The following BNC2 variants were observed in gnomAD, a reference collection of about 807,000 sequenced individuals.
BNC2 encodes the protein basonuclin zinc finger protein 2.
A neutral mutation model predicts 76.3 loss-of-function variants in BNC2; 20 were observed. That is an observed-to-expected ratio of 0.26 (90% CI 0.18 to 0.38). BNC2 has a LOEUF of 0.38. Ranked by LOEUF, BNC2 falls within the 10% of genes least tolerant of loss-of-function variation. The pLI is 1.00. For missense variants in BNC2, 1,382 were observed against 1,399.8 expected, an observed-to-expected ratio of 0.99 and a Z score of 0.20; for synonymous variants, 582 against 514.8, an observed-to-expected ratio of 1.13 and a Z score of -1.77.
chr9:16,804,046 T>A (rs1213894328), intron 1 of BNC2, among the ~76,000 whole-genome samples: 2 of 152,250 alleles, frequency 1.3e-5, no homozygotes, highest in Admixed American at 1.3e-4. Flanking sequence ...GGAAATACTT[T>A]TAACTCTTTC....
intron 1 of BNC2, among the ~76,000 whole-genome samples, chr9:16,859,428 G>A (rs1397805508): frequency 6.6e-6 from 1 of 152,194 alleles, no homozygotes; most frequent in Admixed American, 6.5e-5. Context: ...CAAGAGCCAA[G>A]AGGTGGAAAG....
At chr9:16,747,997 A>G (rs954693652) in intron 1 of BNC2, among the ~76,000 whole-genome samples, 19 of 123,132 alleles carry the variant, frequency 1.5e-4, no homozygotes, top group African/African-American at 4.7e-4. Flanking sequence ...TGGAATATTA[A>G]GTAGTCATTA....
chr9:16,436,762 T>C lies in BNC2; in HGVS notation c.1432A>G (p.Met478Val). ...CGACTTCGGAGGGAGCTAAAGACCA[T>C]GTTGCAACCTTCAATGGTGCATCGA... The part of the protein sequence containing the change: ...KHRCTIEGCN[M>V]VFSSLRSRNR... Residue 478 changes from methionine (M) to valine (V), a missense_variant, in exon 6 of 7, where the codon ATG becomes GTG. Coordinates refer to ENST00000380672, the MANE Select transcript of BNC2 (RefSeq NM_017637.6). The C allele has an allele frequency of 1.9e-6, 3 of 1,614,186 alleles. No homozygotes were observed. Among genetic ancestry groups the C allele is most frequent in the Non-Finnish European group, 2.5e-6 (3 of 1,180,030 alleles).
intron 3 of BNC2, among the ~76,000 whole-genome samples, chr9:16,709,910 G>C (rs1444938905): frequency 6.6e-6 from 1 of 152,088 alleles, no homozygotes; most frequent in African/African-American, 2.4e-5. Context: ...GGGAAAAGTG[G>C]TTATAGGTAT....
chr9:16,602,482 T>C (rs953217381), intron 3 of BNC2, among the ~76,000 whole-genome samples: 1 of 152,136 alleles, frequency 6.6e-6, no homozygotes, highest in South Asian at 2.1e-4. Context: ...ATAAATTGCA[T>C]GAACAGGGGT....
intron 1 of BNC2, among the ~76,000 whole-genome samples, chr9:16,771,441 C>G (rs890045824): frequency 1.3e-5 from 2 of 152,206 alleles, no homozygotes; most frequent in Admixed American, 1.3e-4. Flanking sequence ...CCCAGAAGTT[C>G]ATTAAATACT....
chr9:16,804,284 C>T (rs1346704100), intron 1 of BNC2, among the ~76,000 whole-genome samples: 1 of 152,208 alleles, frequency 6.6e-6, no homozygotes, highest in Non-Finnish European at 1.5e-5. Flanking sequence ...ATTTCACATG[C>T]AAATACACAA....
intron 3 of BNC2, among the ~76,000 whole-genome samples, chr9:16,646,414 A>G (rs1182128513): frequency 6.6e-6 from 1 of 152,210 alleles, no homozygotes; most frequent in Non-Finnish European, 1.5e-5. Flanking sequence ...ACAGTGAAAT[A>G]CTACTTGGTA....
rs1209059815 is a variant in BNC2, at chr9:16,833,061, C to G, written c.3+37585G>C. On this transcript the variant is annotated intron_variant, in intron 1 of 6. Coordinates refer to ENST00000380672, the MANE Select transcript of BNC2 (RefSeq NM_017637.6). ...TATTACAGTCCAGGAATCAGTCTTA[C>G]AGAAGTAAATCAATTCACCCAATGT... Among the ~76,000 whole-genome samples the G allele has an allele frequency of 2.0e-5, 3 of 146,924 alleles. No individual in the cohort carries two copies. The East Asian group carries it at 6.5e-4, about 32-fold the overall frequency.
In BNC2 at chr9:16,812,542, C is replaced by A. The variant is rs144415129; in HGVS notation, c.3+58104G>T. Among the ~76,000 whole-genome samples the A allele has an allele frequency of 2.1e-3, 325 of 152,316 alleles. 1 individual carries two copies. The highest frequency in any genetic ancestry group is 7.4e-3 in the African/African-American group (308 of 41,576). The stretch of plus-strand genomic sequence containing the variant: ...CGTGTCATTACCACAGGCAGAGATG[C>A]AATTGAGGCTTTTGTTTTACTTCAC... On this transcript the variant is annotated intron_variant, in intron 1 of 6. Transcript: ENST00000380672.
intron 5 of BNC2, among the ~76,000 whole-genome samples, chr9:16,488,417 T>A (rs1458365693): frequency 6.6e-6 from 1 of 152,194 alleles, no homozygotes; most frequent in African/African-American, 2.4e-5. Context: ...ATGGAAAAAT[T>A]ATACTGAACC....
chr9:16,542,115 G>C (rs1246585777), intron 5 of BNC2, among the ~76,000 whole-genome samples: 1 of 152,166 alleles, frequency 6.6e-6, no homozygotes, highest in Non-Finnish European at 1.5e-5. Flanking sequence ...ATGGCTTTAA[G>C]AGAGAAAATT....
At chr9:16,557,014 C>T (rs2132612107) in intron 4 of BNC2, among the ~76,000 whole-genome samples, 1 of 150,198 alleles carries the variant, frequency 6.7e-6, no homozygotes, top group South Asian at 2.1e-4. Flanking sequence ...TCATGATCTT[C>T]ACATATCTGA....
intron 2 of BNC2, among the ~76,000 whole-genome samples, chr9:16,729,623 A>G (rs532898326): frequency 6.6e-6 from 1 of 152,336 alleles, no homozygotes; most frequent in Non-Finnish European, 1.5e-5. Context: ...GAAACAAACA[A>G]GAACCCAAAG....
At chr9:16,679,244 T>A (rs548375160) in intron 3 of BNC2, among the ~76,000 whole-genome samples, 1 of 152,242 alleles carries the variant, frequency 6.6e-6, no homozygotes, top group East Asian at 1.9e-4. Flanking sequence ...TACCTACCCA[T>A]AAACCACTGG....
intron 3 of BNC2, among the ~76,000 whole-genome samples, chr9:16,585,308 T>A (rs1398918467): frequency 6.6e-6 from 1 of 152,182 alleles, no homozygotes; most frequent in East Asian, 1.9e-4. Flanking sequence ...TAAATAACTT[T>A]ACACATTTGG....
intron 3 of BNC2, among the ~76,000 whole-genome samples, chr9:16,637,479 T>C (rs1017801760): frequency 6.6e-6 from 1 of 152,212 alleles, no homozygotes; most frequent in Admixed American, 6.5e-5. Context: ...CTGTGTCAAG[T>C]AGATTGCTCT....
At chr9:16,513,454 C>T (rs1822806655) in intron 5 of BNC2, among the ~76,000 whole-genome samples, 1 of 151,882 alleles carries the variant, frequency 6.6e-6, no homozygotes, top group South Asian at 2.1e-4. Flanking sequence ...CTACAGGTGC[C>T]TGCCACCATG....
At chr9:16,737,408 G>A (rs1341524917) in intron 2 of BNC2, among the ~76,000 whole-genome samples, 3 of 151,508 alleles carry the variant, frequency 2.0e-5, no homozygotes, top group Middle Eastern at 3.2e-3. Flanking sequence ...CCGCCACCAC[G>A]CCCGGCTAAT....
Sources: gnomAD v4.1 joint callset for allele counts (sites outside exome capture counted in the v4.1 genomes callset) on GRCh38, gnomAD v4.1.1 for gene constraint, MANE v1.5 for transcripts, NCBI Gene and HGNC (gene_info 2026-07-23, HGNC 2026-07-21) for gene names.